Variants in ENPP6 observed in about 807,000 individuals in gnomAD.
ENPP6 encodes ectonucleotide pyrophosphatase/phosphodiesterase 6.
Under a neutral mutation model 42.0 loss-of-function variants are expected in ENPP6, and 32 were observed. That is an observed-to-expected ratio of 0.76 (90% CI 0.58 to 1.02). The LOEUF (loss-of-function observed/expected upper bound fraction) is 1.02. Among genes scored for constraint, ENPP6 ranks in the 50% least tolerant of loss-of-function variants. The pLI is 0.00. For missense variants in ENPP6, 552 were observed against 566.8 expected, an observed-to-expected ratio of 0.97 and a Z score of 0.27; for synonymous variants, 213 against 216.0, an observed-to-expected ratio of 0.99 and a Z score of 0.12.
At chr4:184,109,543 G>A (rs1399280245) in intron 6 of ENPP6, among the ~76,000 whole-genome samples, 1 of 152,154 alleles carries the variant, frequency 6.6e-6, no homozygotes, top group Non-Finnish European at 1.5e-5. Flanking sequence ...AGGTGTGTGA[G>A]CCACCATGGA....
chr4:184,123,655 A>G (rs935356816), intron 3 of ENPP6, among the ~76,000 whole-genome samples: 1 of 152,168 alleles, frequency 6.6e-6, no homozygotes, highest in Non-Finnish European at 1.5e-5. Context: ...AGAGAGCATT[A>G]CTAATTCCTA....
intron 1 of ENPP6, among the ~76,000 whole-genome samples, chr4:184,162,548 G>GAAGGAGGGAGGGAAGGAGGGAAGGAAGA (rs1553998039): frequency 1.9e-4 from 5 of 26,280 alleles, no homozygotes; most frequent in African/African-American, 3.6e-4. Context: ...AGGGAGGGAA[G>GAAGGAGGGAGGGAAGGAGGGAAGGAAGA]AAGGAAGGAA....
intron 7 of ENPP6, among the ~76,000 whole-genome samples, chr4:184,096,205 G>C (rs1212541173): frequency 6.6e-6 from 1 of 152,234 alleles, no homozygotes; most frequent in Non-Finnish European, 1.5e-5. Flanking sequence ...GGAAAGTAGA[G>C]TGAACGATGG....
intron 1 of ENPP6, among the ~76,000 whole-genome samples, chr4:184,154,930 TTACA>T (rs776774762): frequency 2.0e-5 from 3 of 152,240 alleles, no homozygotes; most frequent in Non-Finnish European, 4.4e-5. Flanking sequence ...TTCAGTGCTC[TTACA>T]TATATAGTCC....
intron 2 of ENPP6, among the ~76,000 whole-genome samples, chr4:184,150,946 T>G (rs138656512): frequency 4.7e-4 from 71 of 152,378 alleles, no homozygotes; most frequent in African/African-American, 1.6e-3. Flanking sequence ...CTTCTTATCC[T>G]GAAGGAGCTG....
At chr4:184,106,883 A>G (rs58152757) in intron 6 of ENPP6, among the ~76,000 whole-genome samples, 5,682 of 152,212 alleles carry the variant, frequency 0.037, 360 homozygotes, top group African/African-American at 0.13. Flanking sequence ...TAGGTGCACG[A>G]TTGCTGAGGC....
Position 184,108,587 on chromosome 4 carries a change from CAAAT to C in ENPP6, c.993+4081_993+4084del, listed in dbSNP as rs1316521495. On this transcript the variant is annotated intron_variant, in intron 6 of 7. Transcript: ENST00000296741. Reference sequence around the variant, plus strand: ...CTTGTTTTGGGGATTTCTCAGAAAACAAATAAATAAAGCCCCAATGTTATATTAA... The same window carrying C: ...CTTGTTTTGGGGATTTCTCAGAAAACAAATAAAGCCCCAATGTTATATTAA... 3.3e-5 allele frequency among the ~76,000 whole-genome samples: 5 copies of C among 152,212 alleles called. No individual in the cohort carries two copies. The East Asian group carries it at 7.7e-4, about 23-fold the overall frequency.
intron 1 of ENPP6, among the ~76,000 whole-genome samples, chr4:184,176,742 A>C (rs984250704): frequency 2.0e-5 from 3 of 152,076 alleles, no homozygotes; most frequent in African/African-American, 7.2e-5. Flanking sequence ...ATGAGAAATT[A>C]GCACAGGACC....
intron 1 of ENPP6, among the ~76,000 whole-genome samples, chr4:184,206,507 C>T (rs886429979): frequency 3.3e-5 from 5 of 151,438 alleles, no homozygotes; most frequent in East Asian, 3.9e-4. Context: ...CCGCCCGTCT[C>T]GGCCTCCCAA....
intron 3 of ENPP6, among the ~76,000 whole-genome samples, chr4:184,122,862 C>T (rs1736442262): frequency 6.6e-6 from 1 of 152,182 alleles, no homozygotes; most frequent in Non-Finnish European, 1.5e-5. Context: ...ACTGGTTAGA[C>T]ATGGAGCAAT....
chr4:184,091,165 C>T lies in ENPP6; in HGVS notation c.*12G>A, dbSNP rs1053627163. On this transcript the variant is annotated 3_prime_UTR_variant, in exon 8 of 8. Transcript: ENST00000296741. ...TGATGGTGTTTTTTTCTGAGACAAG[C>T]AATATGATCAGTTATGCAAGCAGGA... The T allele has an allele frequency of 6.6e-7, 1 of 1,510,868 alleles. No individual in the cohort carries two copies. Among genetic ancestry groups the T allele is most frequent in the Non-Finnish European group, 8.8e-7 (1 of 1,129,978 alleles). The allele number at this position is 1,510,868 out of a possible 1,614,324, so 93.6% of individuals were successfully genotyped here.
intron 2 of ENPP6, among the ~76,000 whole-genome samples, chr4:184,131,204 CTT>C (rs879359392): frequency 0.014 from 637 of 45,202 alleles, 31 homozygotes; most frequent in Admixed American, 0.078. Context: ...TTTCTTTCTT[CTT>C]TCTTTCTTTC....
intron 2 of ENPP6, among the ~76,000 whole-genome samples, chr4:184,134,434 C>A (rs1258562748): frequency 2.0e-5 from 3 of 152,044 alleles, no homozygotes; most frequent in African/African-American, 7.2e-5. Context: ...CAGAAGTATT[C>A]CAATTTTCTA....
At chr4:184,115,810 C>A (rs192802607) in intron 5 of ENPP6, among the ~76,000 whole-genome samples, 3 of 152,136 alleles carry the variant, frequency 2.0e-5, no homozygotes, top group Non-Finnish European at 4.4e-5. Flanking sequence ...TCTTGTTCCC[C>A]GACAGAAACA....
chr4:184,142,165 G>A (rs891276572), intron 2 of ENPP6, among the ~76,000 whole-genome samples: 2 of 152,324 alleles, frequency 1.3e-5, no homozygotes, highest in Admixed American at 6.5e-5. Context: ...TCCAAGGACC[G>A]CCAAGTTGAG....
At position 184,127,519 on chromosome 4, in the gene ENPP6, G is replaced by A. The variant is rs182070814; in HGVS notation, c.422-3247C>T. The stretch of plus-strand genomic sequence containing the variant: ...TTATTTAAAACGCAGAGGTGGGTCA[G>A]GCTGAATAAAAAAGCAAGACCTGAG... On this transcript the variant is annotated intron_variant, in intron 2 of 7. Transcript: ENST00000296741. Among the ~76,000 whole-genome samples the A allele has an allele frequency of 1.4e-3, 210 of 152,320 alleles. 1 individual carries two copies. The highest frequency in any genetic ancestry group is 4.4e-5 in the Non-Finnish European group (3 of 68,030).
chr4:184,113,899 T>TTTTCTTTCTTTCTTTCCTTCTTTC (rs1736257408), intron 5 of ENPP6, among the ~76,000 whole-genome samples: 1 of 103,626 alleles, frequency 9.7e-6, no homozygotes, highest in African/African-American at 3.8e-5. Flanking sequence ...CCTTTCTTTC[T>TTTTCTTTCTTTCTTTCCTTCTTTC]TTTCTTTCTT....
chr4:184,137,592 G>A (rs1487127200), intron 2 of ENPP6, among the ~76,000 whole-genome samples: 1 of 152,224 alleles, frequency 6.6e-6, no homozygotes, highest in East Asian at 1.9e-4. Context: ...TAGGCTATGA[G>A]CAGACTACCT....
At chr4:184,208,545 G>A (rs1027406951) in intron 1 of ENPP6, among the ~76,000 whole-genome samples, 5 of 152,054 alleles carry the variant, frequency 3.3e-5, no homozygotes, top group East Asian at 3.9e-4. Context: ...CTTAAAAAAC[G>A]GCGGACCACG....
Sources: gnomAD v4.1 joint callset for allele counts (sites outside exome capture counted in the v4.1 genomes callset) on GRCh38, gnomAD v4.1.1 for gene constraint, MANE v1.5 for transcripts, NCBI Gene and HGNC (gene_info 2026-07-23, HGNC 2026-07-21) for gene names.